The following DNMT3A variants were observed in gnomAD, a reference collection of about 807,000 sequenced individuals.
DNMT3A encodes the protein DNA (cytosine-5)-methyltransferase 3A.
In DNMT3A, 267 loss-of-function variants were observed where a neutral mutation model predicts 117.6. That is an observed-to-expected ratio of 2.27 (90% CI 2.05 to 2.51). The LOEUF (loss-of-function observed/expected upper bound fraction) is 2.51. DNMT3A is among the 30% of genes most tolerant of loss of function. The pLI is 0.00. For synonymous variants in DNMT3A, 432 were observed against 474.8 expected (o/e 0.91, Z 1.17); for missense variants, 1,029 against 1,260.2 (o/e 0.82, Z 2.78).
At position 25,281,828 on chromosome 2, in the gene DNMT3A, G is replaced by C; in HGVS notation, c.448+613C>G. 1 of 1,066,838 alleles carries C rather than the reference G, an allele frequency of 9.4e-7. No individual in the cohort carries two copies. The allele number at this position is 1,066,838 out of a possible 1,614,324, so 66.1% of individuals were successfully genotyped here. A position where few individuals can be genotyped will look rare whatever the true frequency, so the allele number is the denominator to read the frequency against. ...TCCCCAGATGAAGAGGCCTGGGCTG[G>C]GCAGTACACAGAATACAATCACCCA... On this transcript the variant is annotated intron_variant, in intron 4 of 22. Coordinates refer to ENST00000321117, the MANE Select transcript of DNMT3A (RefSeq NM_022552.5). The surrounding 1 kb of genome is among the most constrained non-coding windows in gnomAD (Gnocchi z 4.8).
At chr2:25,287,726 G>T (rs1177932677) in intron 3 of DNMT3A, among the ~76,000 whole-genome samples, 3 of 123,248 alleles carry the variant, frequency 2.4e-5, no homozygotes, top group Non-Finnish European at 5.6e-5. Context: ...CCAGACAGAG[G>T]ACACCCCCGC....
At chr2:25,261,878 T>C (rs116039372) in intron 6 of DNMT3A, among the ~76,000 whole-genome samples, 1 of 152,100 alleles carries the variant, frequency 6.6e-6, no homozygotes, top group Non-Finnish European at 1.5e-5. Flanking sequence ...AGGACCACCC[T>C]GGAATCTGAC....
Position 25,232,105 on chromosome 2 carries a change from T to G in DNMT3A, c.*2174A>C, listed in dbSNP as rs1485228344. ...TCCCCCACTCCCCACCCCATAATAT[T>G]TCTTAAACATGACCCTATCTATGTA... On this transcript the variant is annotated 3_prime_UTR_variant, in exon 23 of 23. Coordinates refer to ENST00000321117, the MANE Select transcript of DNMT3A (RefSeq NM_022552.5). This position sits in a 1 kb window ranked among gnomAD's most constrained non-coding sequence, Gnocchi z 4.1. 1.3e-5 allele frequency: 2 copies of G among 152,122 alleles called. No individual in the cohort carries two copies. The highest frequency in any genetic ancestry group is 2.9e-5 in the Non-Finnish European group (2 of 68,026). 9.4% of individuals were successfully genotyped at this position (152,122 alleles called of 1,614,324 possible). A position where few individuals can be genotyped will look rare whatever the true frequency, so the allele number is the denominator to read the frequency against.
chr2:25,323,073 T>C (rs934677729), intron 1 of DNMT3A, among the ~76,000 whole-genome samples: 2 of 152,064 alleles, frequency 1.3e-5, no homozygotes, highest in African/African-American at 4.8e-5. Flanking sequence ...TCGTTGTGCC[T>C]GTGCTGACCT....
intron 6 of DNMT3A, among the ~76,000 whole-genome samples, chr2:25,265,074 T>C (rs771026493): frequency 2.6e-5 from 4 of 152,146 alleles, no homozygotes; most frequent in Non-Finnish European, 5.9e-5. Flanking sequence ...GCCTCCCAAA[T>C]CTCATTCCAA....
intron 1 of DNMT3A, among the ~76,000 whole-genome samples, chr2:25,340,101 G>A (rs1034924203): frequency 6.6e-6 from 1 of 152,228 alleles, no homozygotes; most frequent in Non-Finnish European, 1.5e-5. Flanking sequence ...TGGTTTGGAG[G>A]GGGGGTAGCT....
chr2:25,284,645 TAAAAAAAAAAA>T (rs56901099), intron 3 of DNMT3A, among the ~76,000 whole-genome samples: 40 of 16,644 alleles, frequency 2.4e-3, no homozygotes, highest in Non-Finnish European at 3.2e-3. Context: ...AGACTCCATC[TAAAAAAAAAAA>T]AAAAAAAAAA....
intron 6 of DNMT3A, chr2:25,249,815 C>A: frequency 6.9e-7 from 1 of 1,440,278 alleles, no homozygotes; most frequent in Admixed American, 1.7e-5. Context: ...GACTTCAAGG[C>A]TTTGCACCCA....
chr2:25,273,459 G>A (rs944382566), intron 6 of DNMT3A, among the ~76,000 whole-genome samples: 2 of 152,120 alleles, frequency 1.3e-5, no homozygotes, highest in African/African-American at 2.4e-5. Flanking sequence ...AAACAGGGCC[G>A]CCTTCCCCTG....
intron 6 of DNMT3A, among the ~76,000 whole-genome samples, chr2:25,251,562 G>A (rs533474765): frequency 6.6e-6 from 1 of 152,182 alleles, no homozygotes; most frequent in African/African-American, 2.4e-5. Flanking sequence ...TGCGACTGCA[G>A]CGCTTCCCAT....
At chr2:25,301,983 T>G (rs1461910917) in intron 2 of DNMT3A, among the ~76,000 whole-genome samples, 4 of 152,178 alleles carry the variant, frequency 2.6e-5, no homozygotes, top group African/African-American at 9.7e-5. Flanking sequence ...AAACCTACTG[T>G]GACCAGCTGT....
chr2:25,289,004 C>T (rs2032540766), intron 3 of DNMT3A, among the ~76,000 whole-genome samples: 1 of 152,194 alleles, frequency 6.6e-6, no homozygotes, highest in South Asian at 2.1e-4. Flanking sequence ...CGTTTGTTTA[C>T]AAAGCCCTTT....
intron 1 of DNMT3A, among the ~76,000 whole-genome samples, chr2:25,335,622 G>GC (rs905832129): frequency 6.6e-6 from 1 of 152,204 alleles, no homozygotes; most frequent in African/African-American, 2.4e-5. Context: ...TCTGCACTGA[G>GC]CCCCCCTCCC....
Position 25,296,367 on chromosome 2 carries a change from G to T in DNMT3A, c.177+3772C>A, listed in dbSNP as rs2033088926. Among the ~76,000 whole-genome samples the T allele has an allele frequency of 1.3e-5, 2 of 152,142 alleles. No homozygotes were observed. Among genetic ancestry groups the T allele is most frequent in the African/African-American group, 4.8e-5 (2 of 41,432 alleles). On this transcript the variant is annotated intron_variant, in intron 3 of 22. Transcript: ENST00000321117. The surrounding 1 kb of genome is among the most constrained non-coding windows in gnomAD (Gnocchi z 4.2). ...AAGGGGCGGGCAGGAGGAATGGCTG[G>T]CTAGTGTGTTTGGGGAGCAGTGAGA...
At chr2:25,321,562 C>A (rs2034598057) in intron 1 of DNMT3A, among the ~76,000 whole-genome samples, 1 of 152,236 alleles carries the variant, frequency 6.6e-6, no homozygotes, top group African/African-American at 2.4e-5. Flanking sequence ...GGGATTAGGA[C>A]CTGGCCATCT....
In DNMT3A at chr2:25,252,006, G is replaced by T; in HGVS notation, c.640-3754C>A. 3 of 676,086 alleles carry T rather than the reference G, an allele frequency of 4.4e-6. No individual in the cohort carries two copies. The highest frequency in any genetic ancestry group is 1.9e-5 in the African/African-American group (1 of 52,622). 41.9% of individuals were successfully genotyped at this position (676,086 alleles called of 1,614,324 possible). A position where few individuals can be genotyped will look rare whatever the true frequency, so the allele number is the denominator to read the frequency against. On this transcript the variant is annotated intron_variant, in intron 6 of 22. Coordinates refer to ENST00000321117, the MANE Select transcript of DNMT3A (RefSeq NM_022552.5). The surrounding 1 kb of genome is among the most constrained non-coding windows in gnomAD (Gnocchi z 5.5). ...AGGAGTGGGGCCTTGGGGCTCGTGG[G>T]CAGGAAGGCGGCGGGCCAGCACTAA...
intron 3 of DNMT3A, 26 bp downstream of exon 3, chr2:25,300,113 G>C (rs372215340): frequency 8.7e-5 from 140 of 1,608,862 alleles, no homozygotes; most frequent in Non-Finnish European, 1.2e-4. Context: ...GTGTGCACAG[G>C]AGGGTGTGTA....
intron 2 of DNMT3A, among the ~76,000 whole-genome samples, chr2:25,300,639 TA>T (rs1420766906): frequency 0.011 from 1,011 of 88,824 alleles, 46 homozygotes; most frequent in Non-Finnish European, 0.019. Context: ...CTAAATAATA[TA>T]TTATTTAGAT....
intron 6 of DNMT3A, among the ~76,000 whole-genome samples, chr2:25,272,298 T>C (rs2030976068): frequency 6.6e-6 from 1 of 152,252 alleles, no homozygotes; most frequent in African/African-American, 2.4e-5. Context: ...AAAAAAGTCT[T>C]TTTAAATTTT....
Sources: allele counts gnomAD v4.1 joint callset (sites outside exome capture counted in the v4.1 genomes callset), GRCh38; gene constraint gnomAD v4.1.1; non-coding constraint Gnocchi (gnomAD v3.1); transcripts MANE v1.5; gene names NCBI Gene and HGNC (gene_info 2026-07-23, HGNC 2026-07-21).